C19orf47: variants seen among roughly 807,000 people sequenced by gnomAD.
C19orf47 encodes uncharacterized protein C19orf47.
A neutral mutation model predicts 32.3 loss-of-function variants in C19orf47; 18 were observed. The observed-to-expected ratio is 0.56, with a 90% CI of 0.39 to 0.83. C19orf47 has a LOEUF of 0.83. Among genes scored for constraint, C19orf47 ranks in the 40% least tolerant of loss-of-function variants. The pLI is 0.00. For synonymous variants in C19orf47, 202 were observed against 211.1 expected (o/e 0.96, Z 0.37); for missense variants, 484 against 531.6 (o/e 0.91, Z 0.88).
the C19orf47 span, among the ~76,000 whole-genome samples, chr19:40,295,256 G>A: frequency 4.4e-4 from 67 of 151,840 alleles, no homozygotes; most frequent in Non-Finnish European, 6.6e-4. Context: ...TCCTCACCTC[G>A]TGATCCGCCT....
chr19:40,322,500 C>A, intron 8 of C19orf47, 124 bp from the exon 9 acceptor site: 3 of 1,209,240 alleles, frequency 2.5e-6, no homozygotes, highest in Non-Finnish European at 2.2e-6. Context: ...ATCACTGACA[C>A]CCCAGATAGT....
intron 2 of C19orf47, among the ~76,000 whole-genome samples, chr19:40,338,280 C>CACACAT (rs1285937377): frequency 6.7e-6 from 1 of 149,048 alleles, no homozygotes; most frequent in Non-Finnish European, 1.5e-5. Context: ...CACACACACA[C>CACACAT]ACACACACAC....
chr19:40,326,412 C>T lies in C19orf47; in HGVS notation c.514G>A (p.Gly172Arg), dbSNP rs1041525494. ...KRRRVTAEME[G>R]KYVINMPKGT... ...TTGGGCATGTTGATGACGTACTTCC[C>T]CTCCATCTCAGCAGTGACCCGGCGC... is the stretch of plus-strand genomic sequence containing the variant. Residue 172 changes from glycine (G) to arginine (R), a missense_variant, in exon 7 of 9, where the codon GGG becomes AGG. By Grantham distance (125) the Gly-to-Arg change is moderately radical. This residue lies in a region of C19orf47 where 376 missense variants were observed against 370.2 expected (regional missense o/e 1.02). Coordinates refer to ENST00000683109, the MANE Select transcript of C19orf47 (RefSeq NM_001256441.2). 40 of 1,614,078 alleles carry T rather than the reference C, an allele frequency of 2.5e-5. No homozygotes were observed. The highest frequency in any genetic ancestry group is 3.2e-5 in the Non-Finnish European group (38 of 1,180,050).
intron 5 of C19orf47, 21 bp downstream of exon 5, chr19:40,333,830 G>A (rs1402132491): frequency 2.0e-6 from 3 of 1,528,260 alleles, no homozygotes; most frequent in Non-Finnish European, 2.6e-6. Flanking sequence ...AGGAAAAGAG[G>A]CCTGAATAGT....
At position 40,336,365 on chromosome 19, in the gene C19orf47, G is replaced by A; in HGVS notation, c.62C>T (p.Pro21Leu). The stretch of plus-strand genomic sequence containing the variant: ...GGCATAATTGACGGCAGGTCCTGGA[G>A]GAATGCCGGCTTCCTTAAAGAACTG... ...WIQFFKEAGI[P>L]PGPAVNYAVM... The change falls in exon 3 of 9, where the codon CCT (proline) becomes CTT (leucine). Residue 21 changes from proline to leucine, a missense_variant. By Grantham distance (98) the Pro-to-Leu change is moderately conservative. Transcript: ENST00000683109. 1 of 1,614,176 alleles carries A rather than the reference G, an allele frequency of 6.2e-7. No individual in the cohort carries two copies. The highest frequency in any genetic ancestry group is 8.5e-7 in the Non-Finnish European group (1 of 1,180,036).
the C19orf47 span, among the ~76,000 whole-genome samples, chr19:40,310,095 T>C: frequency 2.0e-5 from 3 of 152,294 alleles, no homozygotes; most frequent in South Asian, 6.2e-4. Flanking sequence ...TTATTCACAA[T>C]AGCCCAAAAG....
the C19orf47 span, among the ~76,000 whole-genome samples, chr19:40,307,000 A>G: frequency 6.6e-6 from 1 of 150,872 alleles, no homozygotes; most frequent in Non-Finnish European, 1.5e-5. Flanking sequence ...CATGTTAGCC[A>G]GGATGGTCTT....
intron 2 of C19orf47, among the ~76,000 whole-genome samples, chr19:40,341,417 C>G (rs1009856727): frequency 6.6e-6 from 1 of 152,098 alleles, no homozygotes; most frequent in Non-Finnish European, 1.5e-5. Flanking sequence ...ACCAACTAAC[C>G]TCTGTGCCTT....
Position 40,348,387 on chromosome 19 carries a change from A to G in C19orf47, c.-97T>C, listed in dbSNP as rs557727596. 9.1e-6 allele frequency: 13 copies of G among 1,430,994 alleles called. No homozygotes were observed. Among genetic ancestry groups the G allele is most frequent in the African/African-American group, 1.5e-5 (1 of 66,110 alleles). The allele number at this position is 1,430,994 out of a possible 1,614,324, so 88.6% of individuals were successfully genotyped here. A position where few individuals can be genotyped will look rare whatever the true frequency, so the allele number is the denominator to read the frequency against. On this transcript the variant is annotated 5_prime_UTR_variant, in exon 1 of 9. Coordinates refer to ENST00000683109, the MANE Select transcript of C19orf47 (RefSeq NM_001256441.2). ...CTCCCTCCCGGCGGCGCCAACTGTC[A>G]GACACTCCTCCCCCGGCCCGGGCTG...
At chr19:40,317,730 T>TTTTTTTTTGTC (rs1214800417), downstream of C19orf47, among the ~76,000 whole-genome samples, 1 of 150,868 alleles carries the variant, frequency 6.6e-6, no homozygotes, top group African/African-American at 2.4e-5. Flanking sequence ...TTTTTTTTGT[T>TTTTTTTTTGTC]TTTTTTTTTG....
chr19:40,314,632 T>A (rs573226812), downstream of C19orf47, among the ~76,000 whole-genome samples: 112 of 152,326 alleles, frequency 7.4e-4, 1 homozygote, highest in African/African-American at 2.4e-3. Context: ...AAGAGACACA[T>A]TTCCTTTGCA....
the C19orf47 span, among the ~76,000 whole-genome samples, chr19:40,293,529 G>C: frequency 6.6e-6 from 1 of 151,318 alleles, no homozygotes; most frequent in East Asian, 2.0e-4. Context: ...GCAATGATGC[G>C]ATCTTGGCTC....
At chr19:40,294,684 G>A in the C19orf47 span, among the ~76,000 whole-genome samples, 1 of 152,212 alleles carries the variant, frequency 6.6e-6, no homozygotes, top group Non-Finnish European at 1.5e-5. Flanking sequence ...TGTCCTCAGA[G>A]CTTGGCTTTT....
chr19:40,345,772 G>C (rs59677037), intron 1 of C19orf47, among the ~76,000 whole-genome samples: 88 of 15,228 alleles, frequency 5.8e-3, no homozygotes, highest in African/African-American at 0.017. Context: ...AACCCGGGGC[G>C]GGGGGGGGAG....
At chr19:40,343,405 G>A (rs554212182) in intron 1 of C19orf47, 36 of 151,592 alleles carry the variant, frequency 2.4e-4, no homozygotes, top group African/African-American at 7.0e-4. Flanking sequence ...GTGTGATCTC[G>A]GCAAGTGACT....
chr19:40,324,700 A>G (rs1018532806), intron 7 of C19orf47: 1 of 152,538 alleles, frequency 6.6e-6, no homozygotes, highest in African/African-American at 2.4e-5. Flanking sequence ...AAATATATAT[A>G]TATGAACAAA....
intron 5 of C19orf47, among the ~76,000 whole-genome samples, chr19:40,332,800 G>T (rs1365422160): frequency 6.6e-6 from 1 of 152,078 alleles, no homozygotes; most frequent in Non-Finnish European, 1.5e-5. Context: ...CACACACAGA[G>T]AACATTTTGA....
the C19orf47 span, among the ~76,000 whole-genome samples, chr19:40,295,146 C>A: frequency 2.6e-5 from 4 of 152,088 alleles, no homozygotes; most frequent in African/African-American, 9.6e-5. Context: ...CTCAGCCTCC[C>A]AAGTAGCTGG....
intron 1 of C19orf47, among the ~76,000 whole-genome samples, chr19:40,346,678 C>A (rs1454395187): frequency 6.6e-6 from 1 of 151,346 alleles, no homozygotes; most frequent in South Asian, 2.1e-4. Context: ...AGGCCCCCAC[C>A]ACCATGCCCG....
Sources: allele counts gnomAD v4.1 joint callset (sites outside exome capture counted in the v4.1 genomes callset), GRCh38; gene constraint gnomAD v4.1.1; regional missense constraint gnomAD v4.1.1; transcripts MANE v1.5; gene names NCBI Gene and HGNC (gene_info 2026-07-23, HGNC 2026-07-21).